Variants in KDM4B observed in about 807,000 individuals in gnomAD.
KDM4B encodes lysine-specific demethylase 4B.
In KDM4B, 32 loss-of-function variants were observed where a neutral mutation model predicts 125.2. The observed-to-expected ratio is 0.26, with a 90% confidence interval of 0.19 to 0.34. KDM4B has a LOEUF of 0.34. KDM4B is among the 10% of genes least tolerant of loss of function. The probability of loss-of-function intolerance (pLI) is 1.00; values close to 1 mark genes in which losing one functional copy is unlikely to be tolerated. For synonymous variants in KDM4B, 721 were observed against 677.9 expected (o/e 1.06, Z -0.99); for missense variants, 1,190 against 1,577.7 (o/e 0.75, Z 4.16).
At chr19:5,139,723 A>T (rs1255123671) in intron 18 of KDM4B, among the ~76,000 whole-genome samples, 1 of 152,098 alleles carries the variant, frequency 6.6e-6, no homozygotes, top group African/African-American at 2.4e-5. Context: ...CCGTCTTTGG[A>T]GAAACGTCTG....
intron 1 of KDM4B, among the ~76,000 whole-genome samples, chr19:4,978,389 C>A (rs1463973386): frequency 2.6e-5 from 4 of 151,400 alleles, no homozygotes; most frequent in African/African-American, 9.7e-5. Flanking sequence ...TGCCTGTAAT[C>A]CCAGCTACTC....
intron 13 of KDM4B, among the ~76,000 whole-genome samples, chr19:5,132,259 G>A (rs1489264730): frequency 6.6e-6 from 1 of 152,134 alleles, no homozygotes; most frequent in Non-Finnish European, 1.5e-5. Flanking sequence ...GGGCGGTTCA[G>A]GGCTGGGGAG....
chr19:5,028,341 C>T (rs2036346356), intron 2 of KDM4B, among the ~76,000 whole-genome samples: 1 of 152,156 alleles, frequency 6.6e-6, no homozygotes, highest in Admixed American at 6.5e-5. Context: ...TAACACACGG[C>T]CTTTTGTGTC....
intron 1 of KDM4B, among the ~76,000 whole-genome samples, chr19:4,993,099 T>G (rs548343785): frequency 1.3e-5 from 2 of 152,312 alleles, no homozygotes; most frequent in South Asian, 4.1e-4. Context: ...CTGCTAGTTG[T>G]GTTATCTTTT....
intron 1 of KDM4B, among the ~76,000 whole-genome samples, chr19:4,995,184 T>A (rs181093320): frequency 6.6e-6 from 1 of 152,250 alleles, no homozygotes; most frequent in Non-Finnish European, 1.5e-5. Flanking sequence ...GGACACCAGC[T>A]CCCCTGTCAT....
At chr19:5,056,134 T>C (rs2037388475) in intron 6 of KDM4B, among the ~76,000 whole-genome samples, 1 of 151,034 alleles carries the variant, frequency 6.6e-6, no homozygotes. Context: ...CTAATCTGTA[T>C]GTCCCCTAAT....
intron 6 of KDM4B, among the ~76,000 whole-genome samples, chr19:5,064,108 G>A (rs1181062310): frequency 6.6e-6 from 1 of 152,174 alleles, no homozygotes; most frequent in Admixed American, 6.5e-5. Context: ...TTGTTGCGAG[G>A]GTGGCGGTCA....
At chr19:5,135,304 G>A in intron 14 of KDM4B, 35 bp from the exon 15 acceptor site, 1 of 1,487,496 alleles carries the variant, frequency 6.7e-7, no homozygotes. Context: ...CCCCACACAT[G>A]GCTCTGTCCC....
At chr19:5,047,452 C>G in intron 5 of KDM4B, 24 bp from the exon 6 acceptor site, 1 of 1,578,028 alleles carries the variant, frequency 6.3e-7, no homozygotes, top group South Asian at 1.2e-5. Context: ...GGGCGGTTGC[C>G]GACGCTGCTC....
intron 1 of KDM4B, among the ~76,000 whole-genome samples, chr19:5,014,227 C>T (rs1198092326): frequency 1.3e-5 from 2 of 152,234 alleles, no homozygotes; most frequent in Non-Finnish European, 2.9e-5. Flanking sequence ...ATGCGATCCT[C>T]CTGAGGAGCT....
chr19:5,148,720 G>A (rs553425534), intron 21 of KDM4B, among the ~76,000 whole-genome samples: 135 of 152,130 alleles, frequency 8.9e-4, no homozygotes, highest in Non-Finnish European at 1.5e-3. Flanking sequence ...GCTGCTGCCC[G>A]TGGCAAAGCG....
chr19:5,083,090 AGT>A (rs1348654723), intron 9 of KDM4B, among the ~76,000 whole-genome samples: 1 of 152,268 alleles, frequency 6.6e-6, no homozygotes, highest in African/African-American at 2.4e-5. Flanking sequence ...GAAGACTCAC[AGT>A]GAGTGGCCCT....
At chr19:5,006,772 CAA>C (rs537946416) in intron 1 of KDM4B, among the ~76,000 whole-genome samples, 38 of 127,432 alleles carry the variant, frequency 3.0e-4, no homozygotes, top group Admixed American at 3.9e-4. Context: ...AACTCCATCT[CAA>C]AAAAAAAAAA....
At chr19:4,982,304 A>AG (rs1173726976) in intron 1 of KDM4B, among the ~76,000 whole-genome samples, 1 of 145,948 alleles carries the variant, frequency 6.9e-6, no homozygotes, top group African/African-American at 2.5e-5. Context: ...AAAAAAAAAA[A>AG]AGCCAGACGC....
intron 9 of KDM4B, among the ~76,000 whole-genome samples, chr19:5,106,489 G>A (rs2039036947): frequency 6.6e-6 from 1 of 152,322 alleles, no homozygotes; most frequent in African/African-American, 2.4e-5. Context: ...CTCACTGGGG[G>A]CCGAGTAGGG....
At chr19:4,988,602 G>T (rs1174259903) in intron 1 of KDM4B, among the ~76,000 whole-genome samples, 1 of 152,090 alleles carries the variant, frequency 6.6e-6, no homozygotes, top group African/African-American at 2.4e-5. Context: ...AGCTTAATTT[G>T]CTAATGCACC....
chr19:5,055,428 A>C (rs2037365017), intron 6 of KDM4B, among the ~76,000 whole-genome samples: 1 of 152,226 alleles, frequency 6.6e-6, no homozygotes, highest in Non-Finnish European at 1.5e-5. Context: ...GCTCTCCTCC[A>C]GAGCCGTGCC....
chr19:5,000,244 CCCACCCATCCAT>C (rs2035341518), intron 1 of KDM4B, among the ~76,000 whole-genome samples: 1 of 131,706 alleles, frequency 7.6e-6, no homozygotes, highest in African/African-American at 2.9e-5. Flanking sequence ...TATCCATCCA[CCCACCCATCCAT>C]CCACCCATTC....
intron 6 of KDM4B, among the ~76,000 whole-genome samples, chr19:5,058,417 AG>A (rs1336200882): frequency 2.0e-5 from 3 of 151,978 alleles, no homozygotes; most frequent in Non-Finnish European, 2.9e-5. Context: ...GGACTGAGGG[AG>A]GAGGGGAGCC....
Sources: gnomAD v4.1 joint callset for allele counts (sites outside exome capture counted in the v4.1 genomes callset) on GRCh38, gnomAD v4.1.1 for gene constraint, MANE v1.5 for transcripts, NCBI Gene and HGNC (gene_info 2026-07-23, HGNC 2026-07-21) for gene names.